The following GPC5 variants were observed in gnomAD, a reference collection of about 807,000 sequenced individuals.
GPC5 encodes the protein glypican 5.
In GPC5, 47 loss-of-function variants were observed where a neutral mutation model predicts 53.9. The ratio of observed to expected loss-of-function variants is 0.87; its 90% CI spans 0.69 to 1.11. The LOEUF is 1.11. Ranked by LOEUF, GPC5 falls within the 50% of genes most tolerant of loss-of-function variation. The pLI is 0.00. For missense variants in GPC5, 748 were observed against 713.1 expected (o/e 1.05, Z -0.56); for synonymous variants, 286 against 263.3 (o/e 1.09, Z -0.84).
chr13:92,218,350 C>A (rs116016538), intron 7 of GPC5, among the ~76,000 whole-genome samples: 10 of 152,166 alleles, frequency 6.6e-5, no homozygotes, highest in Admixed American at 6.5e-4. Flanking sequence ...TTCCCTTTTG[C>A]TATTTTATTT....
At chr13:92,106,179 A>G (rs2041508146) in intron 6 of GPC5, among the ~76,000 whole-genome samples, 1 of 151,994 alleles carries the variant, frequency 6.6e-6, no homozygotes, top group Non-Finnish European at 1.5e-5. Flanking sequence ...AGATAATGAT[A>G]ATTATTTTTC....
chr13:92,637,456 A>G (rs1272524324), intron 7 of GPC5, among the ~76,000 whole-genome samples: 1 of 152,196 alleles, frequency 6.6e-6, no homozygotes, highest in Non-Finnish European at 1.5e-5. Flanking sequence ...AAAAATCTCC[A>G]GAATTCACAT....
At chr13:92,581,234 C>G (rs1358220003) in intron 7 of GPC5, among the ~76,000 whole-genome samples, 1 of 152,118 alleles carries the variant, frequency 6.6e-6, no homozygotes, top group Non-Finnish European at 1.5e-5. Context: ...TCCCTCTACT[C>G]CCTAGCCTCT....
intron 7 of GPC5, among the ~76,000 whole-genome samples, chr13:92,852,468 A>G (rs1259901732): frequency 6.6e-6 from 1 of 152,214 alleles, no homozygotes; most frequent in African/African-American, 2.4e-5. Context: ...CAAATTTATG[A>G]CATAATTCCT....
intron 7 of GPC5, among the ~76,000 whole-genome samples, chr13:92,611,656 G>T (rs1884441061): frequency 6.6e-6 from 1 of 152,048 alleles, no homozygotes; most frequent in Admixed American, 6.6e-5. Context: ...TCAGGACTAT[G>T]TCCTAGTTAC....
intron 6 of GPC5, among the ~76,000 whole-genome samples, chr13:92,050,752 A>T (rs2041021092): frequency 6.6e-6 from 1 of 152,210 alleles, no homozygotes; most frequent in African/African-American, 2.4e-5. Context: ...CTTCTTCACA[A>T]ATTGGGGCAT....
intron 2 of GPC5, among the ~76,000 whole-genome samples, chr13:91,646,569 G>C (rs1345252314): frequency 3.9e-5 from 6 of 151,908 alleles, no homozygotes; most frequent in African/African-American, 1.5e-4. Flanking sequence ...GCAAATTCTT[G>C]ATCTAACATA....
intron 7 of GPC5, among the ~76,000 whole-genome samples, chr13:92,826,176 G>A (rs1402945311): frequency 6.6e-6 from 1 of 152,054 alleles, no homozygotes; most frequent in African/African-American, 2.4e-5. Context: ...AGGCAGAAGG[G>A]AAGATATTTT....
At chr13:92,651,627 A>G (rs1168150599) in intron 7 of GPC5, among the ~76,000 whole-genome samples, 1 of 152,158 alleles carries the variant, frequency 6.6e-6, no homozygotes, top group Non-Finnish European at 1.5e-5. Flanking sequence ...CAGAAAAACT[A>G]AGGAAATCTG....
intron 5 of GPC5, among the ~76,000 whole-genome samples, chr13:91,860,639 A>G (rs2039017470): frequency 6.6e-6 from 1 of 150,924 alleles, no homozygotes; most frequent in South Asian, 2.1e-4. Context: ...CCTCCCGAGT[A>G]GCTGGGGATG....
At chr13:92,099,800 T>C (rs1024938859) in intron 6 of GPC5, among the ~76,000 whole-genome samples, 1 of 152,200 alleles carries the variant, frequency 6.6e-6, no homozygotes, top group South Asian at 2.1e-4. Flanking sequence ...ACCCATGACT[T>C]GTTTGTAGCT....
chr13:91,670,077 A>G (rs2035209837), intron 2 of GPC5, among the ~76,000 whole-genome samples: 1 of 152,172 alleles, frequency 6.6e-6, no homozygotes, highest in African/African-American at 2.4e-5. Context: ...ACTGGGATAT[A>G]AGCTAGTGGT....
intron 7 of GPC5, among the ~76,000 whole-genome samples, chr13:92,260,475 G>T (rs542511031): frequency 6.6e-6 from 1 of 152,248 alleles, no homozygotes; most frequent in South Asian, 2.1e-4. Context: ...CTGTAGATCC[G>T]CATCAGGCCC....
intron 7 of GPC5, among the ~76,000 whole-genome samples, chr13:92,478,278 A>C (rs1376194098): frequency 6.6e-6 from 1 of 152,204 alleles, no homozygotes; most frequent in Non-Finnish European, 1.5e-5. Flanking sequence ...GTTGAATGTC[A>C]AAACCTGCAA....
intron 7 of GPC5, among the ~76,000 whole-genome samples, chr13:92,614,153 T>C (rs1370682773): frequency 6.6e-6 from 1 of 152,162 alleles, no homozygotes; most frequent in African/African-American, 2.4e-5. Flanking sequence ...TTTATTTTTG[T>C]CCCTTTTTTT....
Position 92,692,754 on chromosome 13 carries a change from A to ATTTTTTTTTTTTTTTTTTTTTTTTT in GPC5, c.1562-173506_1562-173505insTTTTTTTTTTTTTTTTTTTTTTTTT, listed in dbSNP as rs71272284. ...CTCCAAAGCCTCACCAATATCGGCT[A>ATTTTTTTTTTTTTTTTTTTTTTTTT]TTTTTTTTTTTTTTTTTTTTTTACA... On this transcript the variant is annotated intron_variant, in intron 7 of 7. Coordinates refer to ENST00000377067, the MANE Select transcript of GPC5 (RefSeq NM_004466.6). Among the ~76,000 whole-genome samples the ATTTTTTTTTTTTTTTTTTTTTTTTT allele has an allele frequency of 4.6e-4, 37 of 81,028 alleles. 4 individuals carry two copies. The highest frequency in any genetic ancestry group is 3.4e-3 in the East Asian group (4 of 1,182). 53.2% of individuals were successfully genotyped at this position (81,028 alleles called of 152,430 possible).
At chr13:91,498,749 T>C (rs1431916624) in intron 2 of GPC5, among the ~76,000 whole-genome samples, 10 of 151,922 alleles carry the variant, frequency 6.6e-5, no homozygotes, top group Admixed American at 4.6e-4. Flanking sequence ...GGTGGGCGGA[T>C]CATTTGAGGT....
chr13:92,024,627 C>A (rs963426511), intron 6 of GPC5, among the ~76,000 whole-genome samples: 1 of 152,006 alleles, frequency 6.6e-6, no homozygotes, highest in Non-Finnish European at 1.5e-5. Flanking sequence ...AGATTCTTGC[C>A]TCAGGTAAAA....
At position 92,478,836 on chromosome 13, in the gene GPC5, C is replaced by T. The variant is rs141707341; in HGVS notation, c.1561+333847C>T. ...CTAACAGACAAAAAGAAATCTTATA[C>T]TCTTGCTTCTTAGTATTTAATATAT... On this transcript the variant is annotated intron_variant, in intron 7 of 7. Transcript: ENST00000377067. Among the ~76,000 whole-genome samples, 8 of 152,256 alleles carry T rather than the reference C, an allele frequency of 5.3e-5. No homozygotes were observed. In the East Asian group the frequency reaches 9.7e-4, roughly 18 times the overall value.
Sources: gnomAD v4.1 joint callset for allele counts (sites outside exome capture counted in the v4.1 genomes callset) on GRCh38, gnomAD v4.1.1 for gene constraint, MANE v1.5 for transcripts, NCBI Gene and HGNC (gene_info 2026-07-23, HGNC 2026-07-21) for gene names.